Variants in RYR2 observed in about 807,000 individuals in gnomAD.
RYR2 encodes ryanodine receptor 2, also known as cardiac muscle ryanodine receptor-calcium release channel.
RYR2 carries 227 observed loss-of-function variants against 601.1 expected under a neutral mutation model. The ratio of observed to expected loss-of-function variants is 0.38; its 90% CI spans 0.34 to 0.42. The LOEUF (loss-of-function observed/expected upper bound fraction) is 0.42, where lower values mean the gene tolerates loss of function less well. RYR2 is among the 10% of genes least tolerant of loss of function. The pLI is 1.00. For missense variants in RYR2, 4,646 were observed against 6,156.5 expected, an observed-to-expected ratio of 0.75 and a Z score of 8.21; for synonymous variants, 2,223 against 2,175.1, an observed-to-expected ratio of 1.02 and a Z score of -0.61.
intron 99 of RYR2, among the ~76,000 whole-genome samples, chr1:237,808,051 AACAGATT>A (rs1320133369): frequency 6.6e-6 from 1 of 152,220 alleles, no homozygotes; most frequent in Non-Finnish European, 1.5e-5. Flanking sequence ...TGGAATTAAA[AACAGATT>A]ACATAGAGCT....
Position 237,503,269 on chromosome 1 carries a change from C to CT in RYR2, c.2397-19dup. ...ATGTACACCAGAGATAAAATTGACT[C>CT]TAACGTGCATCCTCTTTAGAGTACG... On this transcript the variant is annotated intron_variant, in intron 21 of 104. Coordinates refer to ENST00000366574, the MANE Select transcript of RYR2 (RefSeq NM_001035.3). 1 of 1,575,054 alleles carries CT rather than the reference C, an allele frequency of 6.3e-7. No homozygotes were observed. The highest frequency in any genetic ancestry group is 8.6e-7 in the Non-Finnish European group (1 of 1,158,230).
intron 16 of RYR2, among the ~76,000 whole-genome samples, chr1:237,460,451 G>A (rs749421750): frequency 1.3e-5 from 2 of 152,148 alleles, no homozygotes; most frequent in Non-Finnish European, 2.9e-5. Flanking sequence ...GAGGATGGTG[G>A]CCAAGAAGCT....
intron 100 of RYR2, among the ~76,000 whole-genome samples, chr1:237,818,405 T>TTA (rs1296640594): frequency 2.0e-5 from 3 of 152,136 alleles, no homozygotes; most frequent in African/African-American, 7.2e-5. Flanking sequence ...AAAATGCACT[T>TTA]TAGTGAACCC....
chr1:237,411,626 A>G (rs550594694), intron 10 of RYR2, among the ~76,000 whole-genome samples: 3 of 152,282 alleles, frequency 2.0e-5, no homozygotes, highest in Admixed American at 6.5e-5. Flanking sequence ...CAAGTGGTCT[A>G]CGTGGGTTAT....
chr1:237,263,852 T>C (rs1384679110), intron 1 of RYR2, among the ~76,000 whole-genome samples: 1 of 152,092 alleles, frequency 6.6e-6, no homozygotes, highest in East Asian at 1.9e-4. Context: ...TTACAGAACT[T>C]GCATTCTAGT....
At position 237,730,349 on chromosome 1, in the gene RYR2, A is replaced by C; in HGVS notation, c.10928A>C (p.Asp3643Ala). ...TACTTTGAAGATAAACTGATAGAAG[A>C]TTTAGCAGTATGTTTTTAGTGGGGC... ...EHYFEDKLIE[D>A]LAKPGAEPPE... Residue 3643 changes from aspartate (D) to alanine (A), a missense_variant, in exon 77 of 105, where the codon GAT becomes GCT. By Grantham distance (126) the Asp-to-Ala change is moderately radical. Around this residue, in one of 17 missense-constraint regions of RYR2, gnomAD observed 1,497 missense variants for 1,842.6 expected, o/e 0.81. Transcript: ENST00000366574. The C allele has an allele frequency of 6.4e-7, 1 of 1,552,458 alleles. No individual in the cohort carries two copies. The highest frequency in any genetic ancestry group is 8.9e-7 in the Non-Finnish European group (1 of 1,124,024).
chr1:237,470,945 T>G (rs1484025634), intron 17 of RYR2, among the ~76,000 whole-genome samples: 1 of 151,950 alleles, frequency 6.6e-6, no homozygotes, highest in African/African-American at 2.4e-5. Flanking sequence ...AGATCACGAT[T>G]GAGAAATCTG....
chr1:237,628,589 A>G (rs1679929584), intron 41 of RYR2, among the ~76,000 whole-genome samples: 1 of 152,136 alleles, frequency 6.6e-6, no homozygotes, highest in African/African-American at 2.4e-5. Context: ...CATGGTGTAT[A>G]TGTGCCACAT....
chr1:237,418,346 A>G (rs1217456236), intron 11 of RYR2, among the ~76,000 whole-genome samples: 1 of 152,144 alleles, frequency 6.6e-6, no homozygotes, highest in Non-Finnish European at 1.5e-5. Flanking sequence ...TCGGCCTAGT[A>G]TAACTACCTT....
At chr1:237,418,251 C>T (rs1312588768) in intron 11 of RYR2, among the ~76,000 whole-genome samples, 4 of 152,076 alleles carry the variant, frequency 2.6e-5, no homozygotes, top group African/African-American at 9.7e-5. Context: ...ACCGTGTTAG[C>T]CAGGATGGTC....
intron 98 of RYR2, among the ~76,000 whole-genome samples, chr1:237,805,041 C>G (rs1400635556): frequency 1.3e-5 from 2 of 152,072 alleles, no homozygotes; most frequent in South Asian, 4.2e-4. Flanking sequence ...GCCATCCCAC[C>G]ATGCACAGAA....
chr1:237,697,757 C>G (rs1687621877), intron 63 of RYR2, among the ~76,000 whole-genome samples: 1 of 151,644 alleles, frequency 6.6e-6, no homozygotes, highest in African/African-American at 2.4e-5. Context: ...TCTAAGAGTT[C>G]CAGGAGAAGC....
intron 7 of RYR2, among the ~76,000 whole-genome samples, chr1:237,376,194 T>G (rs1701023186): frequency 6.6e-6 from 1 of 152,228 alleles, no homozygotes; most frequent in South Asian, 2.1e-4. Context: ...AGATAAAGAA[T>G]TCTGCCAGGT....
chr1:237,774,235 T>C (rs1266862036), intron 87 of RYR2, among the ~76,000 whole-genome samples: 1 of 152,202 alleles, frequency 6.6e-6, no homozygotes, highest in African/African-American at 2.4e-5. Flanking sequence ...CCTTTCTGTC[T>C]TGTCTCAGTG....
chr1:237,688,413 CAT>C lies in RYR2; in HGVS notation c.9067+921_9067+922del, dbSNP rs559173308. On this transcript the variant is annotated intron_variant, in intron 63 of 104. Coordinates refer to ENST00000366574, the MANE Select transcript of RYR2 (RefSeq NM_001035.3). ...ACTGAGGAACGGGTATATATATATA[CAT>C]ATATATATATACACACACACACATA... 3.1e-3 allele frequency among the ~76,000 whole-genome samples: 465 copies of C among 150,772 alleles called. 2 individuals are homozygous for C. The highest frequency in any genetic ancestry group is 5.1e-3 in the Non-Finnish European group (344 of 67,650).
intron 4 of RYR2, among the ~76,000 whole-genome samples, chr1:237,359,412 C>G (rs1699582415): frequency 6.6e-6 from 1 of 152,086 alleles, no homozygotes; most frequent in Admixed American, 6.6e-5. Context: ...TTGTAAATCC[C>G]CTTCGGAGAC....
intron 1 of RYR2, among the ~76,000 whole-genome samples, chr1:237,266,090 A>G (rs1300031826): frequency 6.6e-6 from 1 of 152,232 alleles, no homozygotes; most frequent in Non-Finnish European, 1.5e-5. Context: ...GATGGTCATC[A>G]TGTGCATTTC....
chr1:237,272,965 A>G (rs1689852820), intron 2 of RYR2, among the ~76,000 whole-genome samples: 1 of 152,220 alleles, frequency 6.6e-6, no homozygotes, highest in African/African-American at 2.4e-5. Flanking sequence ...AAAACCTTTG[A>G]AAATCCAAAG....
intron 75 of RYR2, 56 bp from the exon 76 acceptor site, chr1:237,727,031 T>C: frequency 2.3e-6 from 2 of 884,006 alleles, no homozygotes; most frequent in Non-Finnish European, 3.9e-6. Flanking sequence ...TAAATATTTA[T>C]TTGTTTTTGA....
Sources: gnomAD v4.1 joint callset for allele counts (sites outside exome capture counted in the v4.1 genomes callset) on GRCh38, gnomAD v4.1.1 for gene constraint, gnomAD v4.1.1 regional missense constraint, MANE v1.5 for transcripts, NCBI Gene and HGNC (gene_info 2026-07-23, HGNC 2026-07-21) for gene names.